Variants in RPS6KA2 observed in about 807,000 individuals in gnomAD.
RPS6KA2 encodes the protein ribosomal protein S6 kinase alpha-2.
RPS6KA2 carries 42 observed loss-of-function variants against 91.8 expected under a neutral mutation model. That is an observed-to-expected ratio of 0.46 (90% CI 0.36 to 0.59). The LOEUF (loss-of-function observed/expected upper bound fraction) is 0.59, where lower values mean the gene tolerates loss of function less well. Among genes scored for constraint, RPS6KA2 ranks in the 20% least tolerant of loss-of-function variants. RPS6KA2 has a pLI of 0.00. For synonymous variants in RPS6KA2, 414 were observed against 393.6 expected (o/e 1.05, Z -0.61); for missense variants, 798 against 978.5 (o/e 0.82, Z 2.46).
At chr6:166,617,104 C>A (rs945232124) in intron 1 of RPS6KA2, among the ~76,000 whole-genome samples, 47 of 152,230 alleles carry the variant, frequency 3.1e-4, no homozygotes, top group African/African-American at 1.1e-3. Flanking sequence ...AGAGGGAAGT[C>A]ATTCATCACA....
intron 1 of RPS6KA2, among the ~76,000 whole-genome samples, chr6:166,616,021 C>A (rs536574707): frequency 2.0e-5 from 3 of 152,132 alleles, no homozygotes; most frequent in African/African-American, 7.2e-5. Context: ...GCAGTCCCTG[C>A]GCTAGGCCTC....
chr6:166,832,585 T>C (rs1388764452), intron 2 of RPS6KA2, among the ~76,000 whole-genome samples: 1 of 152,214 alleles, frequency 6.6e-6, no homozygotes, highest in African/African-American at 2.4e-5. Flanking sequence ...ACTAACTCCA[T>C]CTTGAAAATA....
At chr6:166,836,389 T>G (rs1583167111) in intron 2 of RPS6KA2, among the ~76,000 whole-genome samples, 1 of 151,444 alleles carries the variant, frequency 6.6e-6, no homozygotes, top group Non-Finnish European at 1.5e-5. Flanking sequence ...CTTGTGGGGG[T>G]TTTTAACAAC....
At chr6:166,717,871 G>A (rs1172324882) in intron 2 of RPS6KA2, among the ~76,000 whole-genome samples, 4 of 147,386 alleles carry the variant, frequency 2.7e-5, no homozygotes, top group South Asian at 4.3e-4. Context: ...TTTTTTAGAC[G>A]GAGTTTTTGC....
At chr6:166,550,994 C>CAAAAAAA (rs58796308) in intron 1 of RPS6KA2, among the ~76,000 whole-genome samples, 4 of 106,372 alleles carry the variant, frequency 3.8e-5, no homozygotes, top group South Asian at 3.7e-4. Context: ...GACTCTATCT[C>CAAAAAAA]AAAAAAAAAA....
intron 2 of RPS6KA2, among the ~76,000 whole-genome samples, chr6:166,809,886 G>A (rs1173633288): frequency 1.3e-5 from 2 of 152,208 alleles, no homozygotes; most frequent in East Asian, 1.9e-4. Context: ...AGCCTTACTC[G>A]TGGCCATGTG....
At chr6:166,628,870 A>T (rs1470744546), upstream of RPS6KA2, among the ~76,000 whole-genome samples, 1 of 152,238 alleles carries the variant, frequency 6.6e-6, no homozygotes, top group African/African-American at 2.4e-5. Context: ...GTATTAAAGG[A>T]TCTATAATGA....
At chr6:166,551,897 C>T (rs1784032582) in intron 1 of RPS6KA2, among the ~76,000 whole-genome samples, 1 of 152,146 alleles carries the variant, frequency 6.6e-6, no homozygotes, top group Non-Finnish European at 1.5e-5. Flanking sequence ...TACGGATTTC[C>T]GAACAGTCTT....
chr6:166,696,683 G>A (rs1331739679), intron 2 of RPS6KA2, among the ~76,000 whole-genome samples: 2 of 152,182 alleles, frequency 1.3e-5, no homozygotes, highest in Admixed American at 6.5e-5. Flanking sequence ...ATTTAAATTG[G>A]TGAATGGAGT....
intron 2 of RPS6KA2, among the ~76,000 whole-genome samples, chr6:166,687,099 G>A (rs1445748844): frequency 6.6e-6 from 1 of 152,064 alleles, no homozygotes; most frequent in South Asian, 2.1e-4. Flanking sequence ...CTGGGCCGTG[G>A]AGATCCAGAC....
intron 2 of RPS6KA2, among the ~76,000 whole-genome samples, chr6:166,640,602 G>A (rs548799702): frequency 6.6e-6 from 1 of 152,262 alleles, no homozygotes; most frequent in South Asian, 2.1e-4. Context: ...GAGCCTTCCC[G>A]GAACACATGA....
At chr6:166,682,062 A>G (rs991116555) in intron 2 of RPS6KA2, among the ~76,000 whole-genome samples, 1 of 152,176 alleles carries the variant, frequency 6.6e-6, no homozygotes, top group African/African-American at 2.4e-5. Flanking sequence ...TCGTAAGTAG[A>G]GTTCTGAGGG....
At position 166,459,167 on chromosome 6, in the gene RPS6KA2, G is replaced by A. The variant is rs149528372; in HGVS notation, c.1075+282C>T. On this transcript the variant is annotated intron_variant, in intron 12 of 20. Coordinates refer to ENST00000265678, the MANE Select transcript of RPS6KA2 (RefSeq NM_021135.6). This position sits in a 1 kb window ranked among gnomAD's most constrained non-coding sequence, Gnocchi z 4.9. ...CAGTTTCTTTTCTTGCTCTTGCTGTGTGTCTCTCTGACACAGGAAGTAACT... is the reference window on the plus strand; with the variant it reads ...CAGTTTCTTTTCTTGCTCTTGCTGTATGTCTCTCTGACACAGGAAGTAACT... 2.1e-3 allele frequency among the ~76,000 whole-genome samples: 319 copies of A among 152,274 alleles called. 1 individual carries two copies. The highest frequency in any genetic ancestry group is 6.9e-3 in the African/African-American group (286 of 41,556).
At chr6:166,798,567 G>A (rs1779282311) in intron 2 of RPS6KA2, among the ~76,000 whole-genome samples, 1 of 152,228 alleles carries the variant, frequency 6.6e-6, no homozygotes, top group Admixed American at 6.5e-5. Flanking sequence ...TGCTGGCCCT[G>A]CAGCTGGGGA....
Position 166,498,445 on chromosome 6 carries a change from G to A in RPS6KA2, c.747+63C>T, listed in dbSNP as rs1781874868. 2.6e-6 allele frequency: 4 copies of A among 1,529,564 alleles called. No individual in the cohort carries two copies. In the East Asian group the frequency reaches 9.4e-5, roughly 36 times the overall value. The allele number at this position is 1,529,564 out of a possible 1,614,324, so 94.7% of individuals were successfully genotyped here. ...CATTTCGGGACCTCTGAACCAACCT[G>A]GGGACAGGGGTCCACGTGGGGAACA... On this transcript the variant is annotated intron_variant, in intron 8 of 20. Transcript: ENST00000265678.
chr6:166,755,114 T>TA (rs1777970062), intron 2 of RPS6KA2, among the ~76,000 whole-genome samples: 1 of 152,132 alleles, frequency 6.6e-6, no homozygotes, highest in Non-Finnish European at 1.5e-5. Flanking sequence ...AACAAATGTA[T>TA]GATTCCTCAG....
rs1788307121 is a variant in RPS6KA2 at position 166,666,051 on chromosome 6, T to C, written c.124-127267A>G. Among the ~76,000 whole-genome samples, 1 of 152,212 alleles carries C rather than the reference T, an allele frequency of 6.6e-6. No homozygotes were observed. Among genetic ancestry groups the C allele is most frequent in the Non-Finnish European group, 1.5e-5 (1 of 68,044 alleles). ...TCTGAAGGAGCAGAGATTAGCAATC[T>C]AGAAATAGAAAAGTTATTGAAAGCC... On this transcript the variant is annotated intron_variant, in intron 2 of 21. Coordinates refer to the RPS6KA2 transcript ENST00000503859. This position sits in a 1 kb window ranked among gnomAD's most constrained non-coding sequence, Gnocchi z 4.0.
intron 8 of RPS6KA2, among the ~76,000 whole-genome samples, chr6:166,492,469 G>A (rs1781625585): frequency 6.6e-6 from 1 of 152,142 alleles, no homozygotes; most frequent in African/African-American, 2.4e-5. Context: ...GAATAGAATG[G>A]TATTAGCAAA....
intron 5 of RPS6KA2, among the ~76,000 whole-genome samples, chr6:166,505,451 G>A (rs1005070453): frequency 1.3e-5 from 2 of 152,218 alleles, no homozygotes; most frequent in Non-Finnish European, 2.9e-5. Flanking sequence ...ACCCCCTTAA[G>A]AGGAAGCAAA....
Sources: allele counts gnomAD v4.1 joint callset (sites outside exome capture counted in the v4.1 genomes callset), GRCh38; gene constraint gnomAD v4.1.1; non-coding constraint Gnocchi (gnomAD v3.1); transcripts MANE v1.5; gene names NCBI Gene and HGNC (gene_info 2026-07-23, HGNC 2026-07-21).